CHRM3: variants seen among roughly 807,000 people sequenced by gnomAD.
CHRM3 encodes the protein muscarinic acetylcholine receptor M3.
Under a neutral mutation model 41.8 loss-of-function variants are expected in CHRM3, and 11 were observed. That is an observed-to-expected ratio of 0.26 (90% CI 0.17 to 0.44). The LOEUF (loss-of-function observed/expected upper bound fraction) is 0.44, where lower values mean the gene tolerates loss of function less well. Among genes scored for constraint, CHRM3 ranks in the 20% least tolerant of loss-of-function variants. The pLI, the probability that CHRM3 is intolerant of heterozygous loss-of-function variation, is 1.00. For missense variants in CHRM3, 571 were observed against 745.4 expected, an observed-to-expected ratio of 0.77 and a Z score of 2.72; for synonymous variants, 297 against 301.4, an observed-to-expected ratio of 0.99 and a Z score of 0.15.
chr1:239,639,134 G>A (rs1670812457), intron 4 of CHRM3, among the ~76,000 whole-genome samples: 1 of 151,768 alleles, frequency 6.6e-6, no homozygotes, highest in Non-Finnish European at 1.5e-5. Context: ...TCTCTGTTTT[G>A]GTACCAGTAC....
chr1:239,571,560 G>A (rs1469138348), intron 3 of CHRM3, among the ~76,000 whole-genome samples: 2 of 152,142 alleles, frequency 1.3e-5, no homozygotes, highest in Admixed American at 6.5e-5. Context: ...AAGATGGTTG[G>A]ATCAGGACAG....
chr1:239,547,176 CAT>C (rs1352125736), intron 3 of CHRM3, among the ~76,000 whole-genome samples: 6 of 152,274 alleles, frequency 3.9e-5, no homozygotes, highest in African/African-American at 1.4e-4. Flanking sequence ...TAACAGGTAA[CAT>C]ATTCACTGGC....
chr1:239,611,416 C>CTTGTTTTT (rs1667019367), intron 3 of CHRM3, among the ~76,000 whole-genome samples: 2 of 96,220 alleles, frequency 2.1e-5, no homozygotes, highest in South Asian at 7.8e-4. Flanking sequence ...TTGCAAGTGA[C>CTTGTTTTT]TTTTTTTTTT....
At chr1:239,890,947 A>G (rs1375577807) in intron 6 of CHRM3, among the ~76,000 whole-genome samples, 1 of 152,206 alleles carries the variant, frequency 6.6e-6, no homozygotes, top group Non-Finnish European at 1.5e-5. Context: ...ATTACATCTC[A>G]GCCACTGAAT....
intron 3 of CHRM3, among the ~76,000 whole-genome samples, chr1:239,602,050 A>G (rs997646974): frequency 2.7e-5 from 4 of 150,234 alleles, no homozygotes; most frequent in African/African-American, 9.8e-5. Context: ...ATACACATAT[A>G]TATACATATA....
chr1:239,677,830 T>C (rs1353599345), intron 4 of CHRM3, among the ~76,000 whole-genome samples: 6 of 152,200 alleles, frequency 3.9e-5, no homozygotes, highest in Admixed American at 3.3e-4. Context: ...CTGTATGTTA[T>C]GTGTACATAT....
chr1:239,443,390 A>C (rs763949785), intron 1 of CHRM3, among the ~76,000 whole-genome samples: 3 of 152,164 alleles, frequency 2.0e-5, no homozygotes, highest in African/African-American at 4.8e-5. Context: ...TAATGTCACG[A>C]ATGCAAAATT....
chr1:239,593,431 G>A (rs1389011919), intron 3 of CHRM3, among the ~76,000 whole-genome samples: 3 of 151,702 alleles, frequency 2.0e-5, no homozygotes, highest in African/African-American at 4.8e-5. Flanking sequence ...TTGGACCAAA[G>A]TAATAATTGG....
At chr1:239,783,744 T>C (rs1212814896) in intron 5 of CHRM3, among the ~76,000 whole-genome samples, 1 of 152,186 alleles carries the variant, frequency 6.6e-6, no homozygotes, top group Non-Finnish European at 1.5e-5. Context: ...GGGGTATATG[T>C]GCAGGTTTGT....
At chr1:239,824,125 G>A (rs1167667105) in intron 5 of CHRM3, among the ~76,000 whole-genome samples, 1 of 152,052 alleles carries the variant, frequency 6.6e-6, no homozygotes, top group African/African-American at 2.4e-5. Context: ...TTTCACTCCA[G>A]CTCCTTGTGC....
intron 1 of CHRM3, among the ~76,000 whole-genome samples, chr1:239,399,219 T>A (rs553136054): frequency 6.6e-6 from 1 of 152,150 alleles, no homozygotes; most frequent in Non-Finnish European, 1.5e-5. Flanking sequence ...TCTTTTTTCA[T>A]GTATAGTTGA....
intron 5 of CHRM3, among the ~76,000 whole-genome samples, chr1:239,780,264 C>T (rs1332786603): frequency 2.0e-5 from 3 of 152,198 alleles, no homozygotes; most frequent in Non-Finnish European, 2.9e-5. Context: ...ATTAAAGTTC[C>T]TACTGCTCCA....
At chr1:239,814,024 C>A (rs1037174008) in intron 5 of CHRM3, among the ~76,000 whole-genome samples, 2 of 147,482 alleles carry the variant, frequency 1.4e-5, no homozygotes, top group Admixed American at 1.4e-4. Context: ...AGTCATTACT[C>A]GCTTTAAGGA....
At chr1:239,459,932 C>G (rs549536901) in intron 1 of CHRM3, among the ~76,000 whole-genome samples, 8 of 152,140 alleles carry the variant, frequency 5.3e-5, no homozygotes, top group African/African-American at 1.9e-4. Flanking sequence ...AAATAATGAT[C>G]ACGCATTAAC....
chr1:239,736,050 C>G (rs1181538689), intron 5 of CHRM3, among the ~76,000 whole-genome samples: 1 of 152,052 alleles, frequency 6.6e-6, no homozygotes, highest in African/African-American at 2.4e-5. Context: ...CTAAACCCAC[C>G]CTAATGTTAT....
Position 239,480,543 on chromosome 1 carries a change from A to ATTTTT in CHRM3, c.-520-12142_-520-12138dup, listed in dbSNP as rs745979239. On this transcript the variant is annotated intron_variant, in intron 1 of 6. Coordinates refer to ENST00000676153, the MANE Select transcript of CHRM3 (RefSeq NM_001375978.1). ...ACTCAGGTAATCCTACGATAGCCCA[A>ATTTTT]TTTTTTTTTTTTTTTTTTTTTTTTT... Among the ~76,000 whole-genome samples the ATTTTT allele has an allele frequency of 2.1e-3, 229 of 110,702 alleles. 6 individuals carry two copies. The highest frequency in any genetic ancestry group is 6.7e-3 in the African/African-American group (166 of 24,744). 72.6% of individuals were successfully genotyped at this position (110,702 alleles called of 152,430 possible).
intron 2 of CHRM3, among the ~76,000 whole-genome samples, chr1:239,515,873 C>T (rs976624583): frequency 3.3e-5 from 5 of 152,128 alleles, no homozygotes; most frequent in East Asian, 1.9e-4. Context: ...AAGACAAAAG[C>T]TCAGTAAAAA....
At chr1:239,737,418 C>T (rs1664480995) in intron 5 of CHRM3, among the ~76,000 whole-genome samples, 1 of 152,104 alleles carries the variant, frequency 6.6e-6, no homozygotes, top group African/African-American at 2.4e-5. Context: ...ATGGTTGCCA[C>T]AAATCATTTA....
intron 5 of CHRM3, among the ~76,000 whole-genome samples, chr1:239,717,496 CGTT>C (rs1218300632): frequency 6.6e-6 from 1 of 151,724 alleles, no homozygotes; most frequent in Non-Finnish European, 1.5e-5. Context: ...TGATTTTTAT[CGTT>C]GTTATCTTAG....
Sources: allele counts gnomAD v4.1 joint callset (sites outside exome capture counted in the v4.1 genomes callset), GRCh38; gene constraint gnomAD v4.1.1; transcripts MANE v1.5; gene names NCBI Gene and HGNC (gene_info 2026-07-23, HGNC 2026-07-21).